Variants in ZMAT1 observed in about 807,000 individuals in gnomAD.
ZMAT1 encodes zinc finger matrin-type 1, also known as zinc finger matrin-type protein 1.
A neutral mutation model predicts 18.5 loss-of-function variants in ZMAT1; 11 were observed. The ratio of observed to expected loss-of-function variants is 0.59; its 90% confidence interval spans 0.37 to 0.98. ZMAT1 has a LOEUF of 0.98. ZMAT1 is among the 50% of genes least tolerant of loss of function. The pLI, the probability that ZMAT1 is intolerant of heterozygous loss-of-function variation, is 0.01. For missense variants in ZMAT1, 525 were observed against 496.2 expected (o/e 1.06, Z -0.55); for synonymous variants, 211 against 176.4 (o/e 1.20, Z -1.55).
At chrX:101,931,346 T>C (rs1930466823) in intron 1 of ZMAT1, 1 of 585,492 alleles carries the variant, frequency 1.7e-6, no homozygotes, top group Non-Finnish European at 2.1e-6. Context: ...AGCACTTCTA[T>C]CTTGCCTCCT....
At position 101,884,433 on chromosome X, in the gene ZMAT1, T is replaced by A; in HGVS notation, c.1165A>T (p.Asn389Tyr). 1 of 1,210,862 alleles carries A rather than the reference T, an allele frequency of 8.3e-7. No homozygotes were observed. Among genetic ancestry groups the A allele is most frequent in the Non-Finnish European group, 1.1e-6 (1 of 895,068 alleles). ...CTGTACCCATGAGTATCCACAGAGTTCTCTCTCATCTTTCTGAAACAAGTC... is the reference window on the plus strand; with the variant it reads ...CTGTACCCATGAGTATCCACAGAGTACTCTCTCATCTTTCTGAAACAAGTC... ...PKTCFRKMRE[N>Y]SVDTHGYREM... The change falls in exon 6 of 6, where the codon AAC becomes TAC. Residue 389 changes from asparagine to tyrosine, a missense_variant. By Grantham distance (143) the Asn-to-Tyr change is moderately radical. Coordinates refer to ENST00000651725, the MANE Select transcript of ZMAT1 (RefSeq NM_001394560.1).
At position 101,904,294 on chromosome X, in the gene ZMAT1, A is replaced by G; in HGVS notation, c.329T>C (p.Phe110Ser). 8.3e-7 allele frequency: 1 copy of G among 1,208,224 alleles called. No individual in the cohort carries two copies. The highest frequency in any genetic ancestry group is 1.7e-5 in the African/African-American group (1 of 57,707). The change falls in exon 2 of 6, where the codon TTT becomes TCT. Residue 110 changes from phenylalanine (F) to serine (S), a missense_variant. Transcript: ENST00000651725. Reference protein sequence around the residue: ...IWNEQEKAELFTDKFCQVCGV... With the variant: ...IWNEQEKAELSTDKFCQVCGV... ...ACATACTTGACAAAACTTATCTGTA[A>G]AAAGTTCAGCCTTTTCCTGTTCATT... is the stretch of plus-strand genomic sequence containing the variant.
intron 5 of ZMAT1, among the ~76,000 whole-genome samples, chrX:101,885,263 G>T (rs1378780221): frequency 8.9e-6 from 1 of 112,027 alleles, no homozygotes; most frequent in Non-Finnish European, 1.9e-5. Flanking sequence ...CCTGACAGAT[G>T]CTCTGATTTG....
At chrX:101,886,760 A>G in intron 4 of ZMAT1, 29 bp from the exon 5 acceptor site, 4 of 1,036,553 alleles carry the variant, frequency 3.9e-6, no homozygotes, top group Non-Finnish European at 5.3e-6. Flanking sequence ...CAAGTTAAGA[A>G]GGTCAGTATA....
At chrX:101,931,354 CCT>C (rs1293929957) in intron 1 of ZMAT1, 8 of 626,387 alleles carry the variant, frequency 1.3e-5, no homozygotes, top group Admixed American at 8.9e-5. Flanking sequence ...TATCTTGCCT[CCT>C]CTCTCTTCCA....
intron 1 of ZMAT1, among the ~76,000 whole-genome samples, chrX:101,916,372 C>T (rs1426934445): frequency 9.0e-6 from 1 of 111,282 alleles, no homozygotes; most frequent in Non-Finnish European, 1.9e-5. Flanking sequence ...CCTACATGTT[C>T]TGCACTTGTA....
chrX:101,914,333 A>G (rs1409391862), intron 1 of ZMAT1, among the ~76,000 whole-genome samples: 1 of 111,412 alleles, frequency 9.0e-6, no homozygotes, highest in Non-Finnish European at 1.9e-5. Context: ...AGAACAAAAG[A>G]AATAATAAAT....
chrX:101,887,931 A>AT (rs1021622196), intron 4 of ZMAT1: 2 of 111,845 alleles, frequency 1.8e-5, no homozygotes, highest in African/African-American at 6.5e-5. Context: ...GGAAATGGAA[A>AT]TATGTATCTC....
intron 1 of ZMAT1, among the ~76,000 whole-genome samples, chrX:101,929,406 C>CTA (rs1453430792): frequency 1.8e-5 from 1 of 56,999 alleles, no homozygotes; most frequent in African/African-American, 5.7e-5. Flanking sequence ...TATATATATT[C>CTA]TATATATAGA....
intron 1 of ZMAT1, among the ~76,000 whole-genome samples, chrX:101,927,279 T>C (rs987217638): frequency 1.8e-5 from 2 of 112,201 alleles, no homozygotes; most frequent in Non-Finnish European, 3.8e-5. Flanking sequence ...ATGTTTTAAC[T>C]CTTTTTCCCC....
In ZMAT1 at chrX:101,884,321, T is replaced by C. The variant is rs1926743604; in HGVS notation, c.1277A>G (p.His426Arg). The C allele has an allele frequency of 8.3e-7, 1 of 1,210,654 alleles. No homozygotes were observed. Among genetic ancestry groups the C allele is most frequent in the Non-Finnish European group, 1.1e-6 (1 of 895,145 alleles). ...EASQTYQRPY[H>R]ISPVESQLPQ... is the part of the protein sequence containing the mutation. ...TAACTGGCTTTCCACTGGTGAAATA[T>C]GGTATGGTCGTTGGTAGGTCTGGGA... Residue 426 changes from histidine to arginine, a missense_variant, in exon 6 of 6, where the codon CAT becomes CGT. Transcript: ENST00000651725.
chrX:101,908,634 G>C (rs867976984), intron 1 of ZMAT1, among the ~76,000 whole-genome samples: 3 of 111,445 alleles, frequency 2.7e-5, no homozygotes, highest in Non-Finnish European at 3.8e-5. Context: ...CAGTGAACTC[G>C]GTGCTATCCT....
intron 4 of ZMAT1, chrX:101,892,784 G>C: frequency 1.4e-6 from 1 of 704,451 alleles, no homozygotes; most frequent in Non-Finnish European, 1.7e-6. Flanking sequence ...AAAGCAGTGA[G>C]AATGATGAAG....
chrX:101,892,828 T>C (rs1927516906), intron 4 of ZMAT1: 2 of 497,826 alleles, frequency 4.0e-6, no homozygotes, highest in African/African-American at 2.6e-5. Flanking sequence ...GAGAAACATA[T>C]ATAAACAATA....
At chrX:101,921,626 C>G (rs989636010) in intron 1 of ZMAT1, among the ~76,000 whole-genome samples, 2 of 111,763 alleles carry the variant, frequency 1.8e-5, no homozygotes, top group Non-Finnish European at 3.8e-5. Flanking sequence ...CATATCACAG[C>G]CTTTCAGATT....
At chrX:101,905,717 C>T (rs139950871) in intron 1 of ZMAT1, among the ~76,000 whole-genome samples, 16 of 111,193 alleles carry the variant, frequency 1.4e-4, no homozygotes, top group Non-Finnish European at 3.0e-4. Flanking sequence ...ACTTTCTGTA[C>T]AACTGTCTTA....
At chrX:101,919,585 A>T (rs1235192594) in intron 1 of ZMAT1, among the ~76,000 whole-genome samples, 1 of 111,919 alleles carries the variant, frequency 8.9e-6, no homozygotes, top group Non-Finnish European at 1.9e-5. Flanking sequence ...GTACCGAAAG[A>T]ACTATGATCC....
chrX:101,919,920 C>T (rs187704948), intron 1 of ZMAT1, among the ~76,000 whole-genome samples: 22 of 110,243 alleles, frequency 2.0e-4, no homozygotes, highest in Non-Finnish European at 1.7e-4. Context: ...AGGATTGAAC[C>T]AGAAGAAGGG....
chrX:101,892,397 G>T (rs1376302746), intron 4 of ZMAT1, among the ~76,000 whole-genome samples: 1 of 111,372 alleles, frequency 9.0e-6, no homozygotes, highest in Non-Finnish European at 1.9e-5. Flanking sequence ...GATGGTAGTA[G>T]AAATGTAATG....
Sources: gnomAD v4.1 joint callset for allele counts (sites outside exome capture counted in the v4.1 genomes callset) on GRCh38, gnomAD v4.1.1 for gene constraint, MANE v1.5 for transcripts, NCBI Gene and HGNC (gene_info 2026-07-23, HGNC 2026-07-21) for gene names.